The following SOX5 variants were observed in gnomAD, a reference collection of about 807,000 sequenced individuals.
SOX5 encodes the protein SRY-box transcription factor 5.
SOX5 carries 9 observed loss-of-function variants against 92.0 expected under a neutral mutation model. The ratio of observed to expected loss-of-function variants is 0.10; its 90% confidence interval spans 0.06 to 0.17. The LOEUF (loss-of-function observed/expected upper bound fraction) is 0.17, where lower values mean the gene tolerates loss of function less well. Ranked by LOEUF, SOX5 falls within the 10% of genes least tolerant of loss-of-function variation. The pLI is 1.00. For missense variants in SOX5, 642 were observed against 944.5 expected (o/e 0.68, Z 4.20); for synonymous variants, 344 against 336.3 (o/e 1.02, Z -0.25).
At chr12:23,714,350 C>T (rs866042489) in intron 6 of SOX5, among the ~76,000 whole-genome samples, 2 of 151,848 alleles carry the variant, frequency 1.3e-5, no homozygotes, top group East Asian at 3.9e-4. Flanking sequence ...AGGCTGGGCG[C>T]AGTGTCTAGG....
intron 1 of SOX5, among the ~76,000 whole-genome samples, chr12:23,924,821 T>A (rs1939483809): frequency 6.6e-6 from 1 of 151,456 alleles, no homozygotes; most frequent in Non-Finnish European, 1.5e-5. Flanking sequence ...TATTTTTAAC[T>A]GAAAAAAAAA....
chr12:23,924,515 G>A (rs1375062426), intron 1 of SOX5, among the ~76,000 whole-genome samples: 1 of 152,108 alleles, frequency 6.6e-6, no homozygotes, highest in East Asian at 1.9e-4. Flanking sequence ...CTATCAGAAT[G>A]TCCTTAGTTG....
rs1349299463 is a variant in SOX5 at position 23,529,887 on chromosome 12, T to G, written c.*4332A>C. 6.6e-6 allele frequency: 1 copy of G among 152,214 alleles called. No individual in the cohort carries two copies. The allele number at this position is 152,214 out of a possible 1,614,324, so 9.4% of individuals were successfully genotyped here. Reference sequence around the variant, plus strand: ...TTTTCTATTTTTTTTCCATTTTTACTTGTAAAATCCAAAATATTAGAAGGA... The same window carrying G: ...TTTTCTATTTTTTTTCCATTTTTACGTGTAAAATCCAAAATATTAGAAGGA... On this transcript the variant is annotated 3_prime_UTR_variant, in exon 15 of 15. Transcript: ENST00000451604.
intron 9 of SOX5, among the ~76,000 whole-genome samples, chr12:23,577,993 C>T (rs11046987): frequency 0.13 from 20,213 of 150,734 alleles, 1,571 homozygotes; most frequent in Non-Finnish European, 0.17. Context: ...TGGTGGCATG[C>T]ACCTGTAGTC....
chr12:23,811,678 T>C (rs1330281586), intron 3 of SOX5, among the ~76,000 whole-genome samples: 1 of 152,062 alleles, frequency 6.6e-6, no homozygotes, highest in Non-Finnish European at 1.5e-5. Context: ...TTTAAAATGG[T>C]CAAAAGTGGC....
intron 6 of SOX5, among the ~76,000 whole-genome samples, chr12:23,714,443 G>A (rs192596733): frequency 6.6e-6 from 1 of 152,104 alleles, no homozygotes; most frequent in Non-Finnish European, 1.5e-5. Context: ...CCAACATGGC[G>A]AAACCCTGTC....
intron 1 of SOX5, among the ~76,000 whole-genome samples, chr12:23,934,133 T>C (rs1942022519): frequency 2.0e-5 from 3 of 151,502 alleles, no homozygotes; most frequent in African/African-American, 2.4e-5. Flanking sequence ...AATACTTCTG[T>C]TGAAGACATT....
At chr12:23,968,821 A>G (rs1020392576) in intron 4 of SOX5, among the ~76,000 whole-genome samples, 2 of 151,924 alleles carry the variant, frequency 1.3e-5, no homozygotes, top group African/African-American at 4.8e-5. Context: ...TTCTTTGAGT[A>G]TTGTTTCTTC....
intron 3 of SOX5, among the ~76,000 whole-genome samples, chr12:24,266,860 A>G (rs901265465): frequency 1.3e-5 from 2 of 152,180 alleles, no homozygotes; most frequent in African/African-American, 4.8e-5. Context: ...CAAACCTATC[A>G]CAATTTTTCT....
rs1567782135 is a variant in SOX5, at chr12:23,790,544, T to TCACACA, written c.482-34821_482-34820insTGTGTG. On this transcript the variant is annotated intron_variant, in intron 3 of 14. Transcript: ENST00000451604. ...CTCTCTCTCTCTCTCTCTCTCTCAA[T>TCACACA]CTCTCACACACACACACACACACAC... 3.3e-3 allele frequency among the ~76,000 whole-genome samples: 13 copies of TCACACA among 3,926 alleles called. No individual in the cohort carries two copies. In the South Asian group the frequency reaches 0.037, roughly 11 times the overall value. 2.6% of individuals were successfully genotyped at this position (3,926 alleles called of 152,430 possible).
At chr12:24,415,286 A>G (rs868095779) in intron 1 of SOX5, among the ~76,000 whole-genome samples, 81 of 152,288 alleles carry the variant, frequency 5.3e-4, no homozygotes, top group African/African-American at 1.8e-3. Context: ...ATATTAATCC[A>G]TCTTTTGTTG....
chr12:23,644,991 C>T lies in SOX5; in HGVS notation c.932-4094G>A, dbSNP rs1424889707. Among the ~76,000 whole-genome samples, 3 of 152,028 alleles carry T rather than the reference C, an allele frequency of 2.0e-5. No homozygotes were observed. In the South Asian group the frequency reaches 6.3e-4, roughly 32 times the overall value. ...AATTCATTTTTTATTATTTATTTTC[C>T]CTATTGTAAATTAACCAATTCATAA... is the stretch of plus-strand genomic sequence containing the variant. On this transcript the variant is annotated intron_variant, in intron 7 of 14. Transcript: ENST00000451604.
At chr12:23,819,365 T>C (rs2096061838) in intron 3 of SOX5, among the ~76,000 whole-genome samples, 1 of 152,216 alleles carries the variant, frequency 6.6e-6, no homozygotes, top group Non-Finnish European at 1.5e-5. Flanking sequence ...AAACTTGTTC[T>C]AGGAAAATAT....
intron 1 of SOX5, among the ~76,000 whole-genome samples, chr12:24,441,769 T>C (rs1940641839): frequency 6.6e-6 from 1 of 152,170 alleles, no homozygotes. Flanking sequence ...ATTGTTAACT[T>C]TTTTTAGGAA....
intron 4 of SOX5, among the ~76,000 whole-genome samples, chr12:23,741,989 T>C (rs2093813303): frequency 6.6e-6 from 1 of 152,178 alleles, no homozygotes; most frequent in Non-Finnish European, 1.5e-5. Context: ...ACTCACAAGA[T>C]AGACAAGGCC....
intron 1 of SOX5, among the ~76,000 whole-genome samples, chr12:24,375,098 G>A (rs976209068): frequency 7.9e-5 from 12 of 151,834 alleles, no homozygotes; most frequent in Non-Finnish European, 1.3e-4. Context: ...TCAGCCTCCC[G>A]AGTAGCTGGA....
intron 4 of SOX5, among the ~76,000 whole-genome samples, chr12:24,188,002 G>A (rs1463794244): frequency 6.6e-6 from 1 of 152,064 alleles, no homozygotes; most frequent in Non-Finnish European, 1.5e-5. Flanking sequence ...AGATTTTAAT[G>A]GATTTTTAAT....
In SOX5 at chr12:23,895,705, T is replaced by A. The variant is rs2097170194; in HGVS notation, c.270+88A>T. 1.4e-5 allele frequency: 12 copies of A among 840,546 alleles called. No individual in the cohort carries two copies. The South Asian group carries it at 1.5e-4, about 11-fold the overall frequency. 52.1% of individuals were successfully genotyped at this position (840,546 alleles called of 1,614,324 possible). ...GCATGGGTTCTTAAGTAGATGTTAA[T>A]TATAAAGCAAAGGACTGAGGCCAAA... On this transcript the variant is annotated intron_variant, in intron 2 of 14. Transcript: ENST00000451604.
At chr12:23,712,111 A>G (rs896300207) in intron 6 of SOX5, among the ~76,000 whole-genome samples, 44 of 152,194 alleles carry the variant, frequency 2.9e-4, no homozygotes, top group African/African-American at 1.0e-3. Context: ...CACCTCTCAC[A>G]TGAGAACCAT....
Sources: allele counts gnomAD v4.1 joint callset (sites outside exome capture counted in the v4.1 genomes callset), GRCh38; gene constraint gnomAD v4.1.1; transcripts MANE v1.5; gene names NCBI Gene and HGNC (gene_info 2026-07-23, HGNC 2026-07-21).